Variants in PIK3R1 observed in about 807,000 individuals in gnomAD.
The protein encoded by PIK3R1 is phosphoinositide-3-kinase regulatory subunit 1.
Under a neutral mutation model 98.0 loss-of-function variants are expected in PIK3R1, and 29 were observed. That is an observed-to-expected ratio of 0.30 (90% CI 0.22 to 0.40). The LOEUF is 0.40. Ranked by LOEUF, PIK3R1 falls within the 10% of genes least tolerant of loss-of-function variation. PIK3R1 has a pLI of 1.00. For synonymous variants in PIK3R1, 282 were observed against 311.8 expected (o/e 0.90, Z 1.01); for missense variants, 596 against 872.7 (o/e 0.68, Z 3.99).
Position 68,216,261 on chromosome 5 carries a change from C to G in PIK3R1, c.-387+312C>G, listed in dbSNP as rs1743876024. 2.0e-5 allele frequency among the ~76,000 whole-genome samples: 3 copies of G among 152,340 alleles called. No individual in the cohort carries two copies. In the South Asian group the frequency reaches 6.2e-4, roughly 32 times the overall value. On this transcript the variant is annotated intron_variant, in intron 1 of 15. Coordinates refer to ENST00000521381, the MANE Select transcript of PIK3R1 (RefSeq NM_181523.3). ...TTGCCCCCGGAGTTGCCGACGAGCT[C>G]GGGCTTCCTCCCACCCTCCGTCACC...
At chr5:68,263,175 CTATA>C (rs1355518532) in intron 2 of PIK3R1, among the ~76,000 whole-genome samples, 60 of 143,638 alleles carry the variant, frequency 4.2e-4, no homozygotes, top group Non-Finnish European at 6.8e-4. Context: ...ACATATATAT[CTATA>C]TATACATATA....
chr5:68,296,150 C>A, intron 14 of PIK3R1, 21 bp from the exon 15 acceptor site: 1 of 1,612,956 alleles, frequency 6.2e-7, no homozygotes. Flanking sequence ...CATTTAGAAA[C>A]TTTCTGTCCT....
intron 2 of PIK3R1, among the ~76,000 whole-genome samples, chr5:68,253,095 T>C (rs1306911058): frequency 6.6e-6 from 1 of 152,214 alleles, no homozygotes; most frequent in Non-Finnish European, 1.5e-5. Context: ...ATTTTTATTT[T>C]CTCCCCAGAT....
chr5:68,262,002 G>A (rs752788390), intron 2 of PIK3R1, among the ~76,000 whole-genome samples: 5 of 152,254 alleles, frequency 3.3e-5, no homozygotes, highest in East Asian at 3.9e-4. Flanking sequence ...GGAGTACCCC[G>A]CAGTGATAAA....
chr5:68,245,211 C>G (rs889103940), intron 2 of PIK3R1, among the ~76,000 whole-genome samples: 8 of 152,102 alleles, frequency 5.3e-5, no homozygotes, highest in South Asian at 2.1e-4. Flanking sequence ...AGTATATCAG[C>G]AAATTTTCAT....
chr5:68,290,141 G>A lies in PIK3R1; in HGVS notation c.917-2118G>A, dbSNP rs143204091. Among the ~76,000 whole-genome samples, 427 of 152,290 alleles carry A rather than the reference G, an allele frequency of 2.8e-3. 1 individual carries two copies. The highest frequency in any genetic ancestry group is 9.9e-3 in the African/African-American group (410 of 41,558). On this transcript the variant is annotated intron_variant, in intron 7 of 15. Transcript: ENST00000521381. The stretch of plus-strand genomic sequence containing the variant: ...TCTAATGTGGTACATTTGTGACAGT[G>A]TTTGAATTCTGGGTTTTCAGTGAAT...
intron 2 of PIK3R1, among the ~76,000 whole-genome samples, chr5:68,257,496 A>G (rs1745566147): frequency 1.3e-5 from 2 of 152,174 alleles, no homozygotes; most frequent in Admixed American, 1.3e-4. Flanking sequence ...TGTATTTGTG[A>G]CAGCCAGTTG....
rs1747642628 is a variant in PIK3R1 at position 68,295,228 on chromosome 5, A to G, written c.1649A>G (p.Lys550Arg). Residue 550 changes from lysine (K) to arginine (R), a missense_variant, in exon 13 of 16, where the codon AAG becomes AGG. Physicochemically the swap from Lys to Arg is conservative, Grantham distance 26. This residue lies in a region of PIK3R1 where 207 missense variants were observed against 361.4 expected (regional missense o/e 0.57). Transcript: ENST00000521381. ...AGAAGAAGATTGGAAGAAGACTTGA[A>G]GAAGCAGGCAGCTGAGTATCGAGAA... ...DSRRRLEEDL[K>R]KQAAEYREID... 6.2e-7 allele frequency: 1 copy of G among 1,613,930 alleles called. No individual in the cohort carries two copies. The highest frequency in any genetic ancestry group is 8.5e-7 in the Non-Finnish European group (1 of 1,179,908).
rs1747782509 is a variant in PIK3R1, at chr5:68,297,407, T to C, written c.1986-5T>C. ...AAAAGACAGTTTTTCTTCTCTCCTCTCTAGGGTGGACGGCGAAGTAAAGCA... is the reference window on the plus strand; with the variant it reads ...AAAAGACAGTTTTTCTTCTCTCCTCCCTAGGGTGGACGGCGAAGTAAAGCA... On this transcript the variant is annotated splice_polypyrimidine_tract_variant and splice_region_variant and intron_variant, in intron 15 of 15. Coordinates refer to ENST00000521381, the MANE Select transcript of PIK3R1 (RefSeq NM_181523.3). 1 of 1,611,378 alleles carries C rather than the reference T, an allele frequency of 6.2e-7. No individual in the cohort carries two copies. The highest frequency in any genetic ancestry group is 1.7e-5 in the Admixed American group (1 of 59,846).
intron 14 of PIK3R1, chr5:68,295,789 G>A: frequency 2.1e-6 from 1 of 486,264 alleles, no homozygotes; most frequent in Non-Finnish European, 3.7e-6. Context: ...AAATAATTAT[G>A]CTTAATATAT....
In PIK3R1 at chr5:68,299,032, A is replaced by G. The variant is rs1377250192; in HGVS notation, c.*1431A>G. ...TTTGATTTGCTAGTTGTTATCAATT[A>G]ATGACAATTACAAACCTACTGTATC... On this transcript the variant is annotated 3_prime_UTR_variant, in exon 16 of 16. Transcript: ENST00000521381. 1 of 233,488 alleles carries G rather than the reference A, an allele frequency of 4.3e-6. No individual in the cohort carries two copies. Among genetic ancestry groups the G allele is most frequent in the African/African-American group, 2.2e-5 (1 of 45,360 alleles). The allele number at this position is 233,488 out of a possible 1,614,324, so 14.5% of individuals were successfully genotyped here.
chr5:68,217,627 GGGGTGTGTGTGTGTGT>G (rs1743940097), intron 1 of PIK3R1: 1 of 121,214 alleles, frequency 8.2e-6, no homozygotes, highest in Non-Finnish European at 1.8e-5. Flanking sequence ...GTAATGTGTG[GGGGTGTGTGTGTGTGT>G]GTGTGTGTGT....
chr5:68,226,757 G>A lies in PIK3R1; in HGVS notation c.82G>A (p.Asp28Asn). ...AGAAGATATTGACTTGCACTTGGGT[G>A]ACATATTGACTGTGAATAAAGGGTC... The part of the protein sequence containing the change: ...REEDIDLHLG[D>N]ILTVNKGSLV... The change falls in exon 2 of 16, where the codon GAC becomes AAC. Residue 28 changes from aspartate (D) to asparagine (N), a missense_variant. Coordinates refer to ENST00000521381, the MANE Select transcript of PIK3R1 (RefSeq NM_181523.3). The A allele has an allele frequency of 6.2e-7, 1 of 1,614,112 alleles. No individual in the cohort carries two copies. Among genetic ancestry groups the A allele is most frequent in the Non-Finnish European group, 8.5e-7 (1 of 1,179,992 alleles).
chr5:68,255,962 C>T (rs1458861278), intron 2 of PIK3R1, among the ~76,000 whole-genome samples: 1 of 152,206 alleles, frequency 6.6e-6, no homozygotes, highest in Non-Finnish European at 1.5e-5. Context: ...TGGTTTTATT[C>T]TTTCTACTGA....
chr5:68,244,929 C>T (rs1192903411), intron 2 of PIK3R1, among the ~76,000 whole-genome samples: 1 of 152,048 alleles, frequency 6.6e-6, no homozygotes, highest in African/African-American at 2.4e-5. Context: ...CTCTCTGCAT[C>T]CCCTTGGCAC....
rs537883914 is a variant in PIK3R1 at position 68,256,378 on chromosome 5, C to T, written c.335-17012C>T. Among the ~76,000 whole-genome samples the T allele has an allele frequency of 5.4e-4, 82 of 152,192 alleles. 1 individual carries two copies. The East Asian group carries it at 0.015, about 28-fold the overall frequency. On this transcript the variant is annotated intron_variant, in intron 2 of 15. Transcript: ENST00000521381. ...CCGAGTAGCTGGGACTACAGGTGCCCGCCACCACGCCCAGCTAATCTTTTT... is the reference window on the plus strand; with the variant it reads ...CCGAGTAGCTGGGACTACAGGTGCCTGCCACCACGCCCAGCTAATCTTTTT...
chr5:68,267,088 G>A (rs113658406), intron 2 of PIK3R1, among the ~76,000 whole-genome samples: 2,115 of 152,256 alleles, frequency 0.014, 55 homozygotes, highest in African/African-American at 0.047. Context: ...TTTTTCTGGT[G>A]AGGAGAGGAG....
At chr5:68,266,773 G>C (rs929293583) in intron 2 of PIK3R1, among the ~76,000 whole-genome samples, 12 of 152,204 alleles carry the variant, frequency 7.9e-5, no homozygotes, top group Admixed American at 6.5e-5. Context: ...TGGACAAATA[G>C]TTTCCTTGCC....
intron 2 of PIK3R1, among the ~76,000 whole-genome samples, chr5:68,261,316 T>C (rs114580529): frequency 3.7e-4 from 56 of 152,360 alleles, no homozygotes; most frequent in East Asian, 7.7e-4. Context: ...TTCACTGTTA[T>C]GACAGTGAGG....
Sources: gnomAD v4.1 joint callset for allele counts (sites outside exome capture counted in the v4.1 genomes callset) on GRCh38, gnomAD v4.1.1 for gene constraint, gnomAD v4.1.1 regional missense constraint, MANE v1.5 for transcripts, NCBI Gene and HGNC (gene_info 2026-07-23, HGNC 2026-07-21) for gene names.